The following CUX1 variants were observed in gnomAD, a reference collection of about 807,000 sequenced individuals.
The protein encoded by CUX1 is cut like homeobox 1, also known as protein CASP.
A neutral mutation model predicts 158.8 loss-of-function variants in CUX1; 31 were observed. The observed-to-expected ratio is 0.20, with a 90% CI of 0.15 to 0.26. The LOEUF (loss-of-function observed/expected upper bound fraction) is 0.26, where lower values mean the gene tolerates loss of function less well. Among genes scored for constraint, CUX1 ranks in the 10% least tolerant of loss-of-function variants. The pLI, the probability that CUX1 is intolerant of heterozygous loss-of-function variation, is 1.00. For missense variants in CUX1, 1,589 were observed against 2,014.6 expected (o/e 0.79, Z 4.04); for synonymous variants, 879 against 862.1 (o/e 1.02, Z -0.34).
intron 4 of CUX1, among the ~76,000 whole-genome samples, chr7:102,094,317 C>T (rs1032244918): frequency 6.6e-6 from 1 of 152,204 alleles, no homozygotes. Context: ...ACATTTAGCT[C>T]ATCCTTTAGT....
intron 2 of CUX1, among the ~76,000 whole-genome samples, chr7:101,973,415 C>T (rs1369214177): frequency 6.6e-6 from 1 of 152,216 alleles, no homozygotes; most frequent in Non-Finnish European, 1.5e-5. Context: ...CAAGCCAGTG[C>T]AACGCCAGGA....
At chr7:101,974,170 A>G (rs988047606) in intron 2 of CUX1, among the ~76,000 whole-genome samples, 2 of 151,058 alleles carry the variant, frequency 1.3e-5, no homozygotes, top group African/African-American at 4.9e-5. Flanking sequence ...GGGCTCAAGT[A>G]ATGCTCTCAC....
chr7:102,184,117 C>T (rs1356483926), intron 11 of CUX1, among the ~76,000 whole-genome samples: 2 of 152,164 alleles, frequency 1.3e-5, no homozygotes, highest in Non-Finnish European at 2.9e-5. Context: ...AGGCTGGTGT[C>T]GAACTCCTGG....
At chr7:102,205,350 G>A (rs898273155) in intron 20 of CUX1, among the ~76,000 whole-genome samples, 180 bp downstream of exon 20, 3 of 152,196 alleles carry the variant, frequency 2.0e-5, no homozygotes, top group South Asian at 4.1e-4. Context: ...AATGGAGAGC[G>A]AGCTGACAGT....
intron 20 of CUX1, among the ~76,000 whole-genome samples, chr7:102,216,602 A>T (rs1472500310): frequency 6.8e-5 from 2 of 29,414 alleles, no homozygotes; most frequent in African/African-American, 1.7e-4. Context: ...ACACTCCCAC[A>T]CACACACACA....
intron 8 of CUX1, among the ~76,000 whole-genome samples, chr7:102,154,213 G>C (rs371593816): frequency 6.6e-6 from 1 of 152,124 alleles, no homozygotes; most frequent in East Asian, 1.9e-4. Context: ...ATATTTCCCA[G>C]AAAGTAACTA....
Position 101,860,893 on chromosome 7 carries a change from A to G in CUX1, c.30+43224A>G, listed in dbSNP as rs143693951. ...GCAGCCATAGCTCACTGCAGCCTTG[A>G]CCTGGTAGTCTCAAGTGATCCTCCC... On this transcript the variant is annotated intron_variant, in intron 1 of 23. Coordinates refer to ENST00000292535, the MANE Select transcript of CUX1 (RefSeq NM_181552.4). Among the ~76,000 whole-genome samples the G allele has an allele frequency of 7.3e-3, 1,111 of 151,864 alleles. 11 individuals carry two copies. The highest frequency in any genetic ancestry group is 0.026 in the African/African-American group (1,057 of 41,396).
At chr7:102,282,019 T>A in intron 21 of CUX1, 1 of 826,630 alleles carries the variant, frequency 1.2e-6, no homozygotes, top group South Asian at 1.4e-5. Flanking sequence ...CCCCTGGGCC[T>A]ACCCCAAGCT....
At position 102,254,367 on chromosome 7, in the gene CUX1, G is replaced by A. The variant is rs536389580; in HGVS notation, c.*5325G>A. On this transcript the variant is annotated 3_prime_UTR_variant, in exon 24 of 24. Coordinates refer to ENST00000292535, the MANE Select transcript of CUX1 (RefSeq NM_181552.4). ...CTCTTGTCTCTGGCATGGTTTTAGC[G>A]TCACTGCGAACACTCCTTTGCAAAC... The A allele has an allele frequency of 6.2e-5, 61 of 985,394 alleles. No homozygotes were observed. In the South Asian group the frequency reaches 1.8e-3, roughly 29 times the overall value. 61.0% of individuals were successfully genotyped at this position (985,394 alleles called of 1,614,324 possible).
chr7:102,276,906 A>G (rs1554547861), intron 17 of CUX1, among the ~76,000 whole-genome samples: 1 of 152,180 alleles, frequency 6.6e-6, no homozygotes, highest in Non-Finnish European at 1.5e-5. Flanking sequence ...TGTGAATACA[A>G]ATGACCGAAC....
intron 3 of CUX1, among the ~76,000 whole-genome samples, chr7:102,043,228 G>A (rs111400540): frequency 0.042 from 6,449 of 152,108 alleles, 447 homozygotes; most frequent in African/African-American, 0.15. Context: ...TGGGATTACA[G>A]GCGTGATCCA....
intron 3 of CUX1, among the ~76,000 whole-genome samples, chr7:102,049,976 G>A (rs1823278921): frequency 6.6e-6 from 1 of 152,188 alleles, no homozygotes; most frequent in Non-Finnish European, 1.5e-5. Context: ...CTGGCTGGGA[G>A]CATTCCTGCC....
rs199857640 is a variant in CUX1 at position 102,250,974 on chromosome 7, A to ATT, written c.*1940_*1941dup. ...ATAGATGATTTCGGTATATATATAT[A>ATT]TTTTTTTTTGCTTATTTATAGGTGC... On this transcript the variant is annotated 3_prime_UTR_variant, in exon 24 of 24. Coordinates refer to ENST00000292535, the MANE Select transcript of CUX1 (RefSeq NM_181552.4). The ATT allele has an allele frequency of 1.1e-6, 1 of 937,562 alleles. No homozygotes were observed. The highest frequency in any genetic ancestry group is 1.3e-6 in the Non-Finnish European group (1 of 787,634). The allele number at this position is 937,562 out of a possible 1,614,324, so 58.1% of individuals were successfully genotyped here.
chr7:101,923,111 G>A (rs1050344730), intron 2 of CUX1, among the ~76,000 whole-genome samples: 8 of 152,212 alleles, frequency 5.3e-5, no homozygotes, highest in South Asian at 2.1e-4. Flanking sequence ...CTGCAGCCCC[G>A]GCTCACTGGC....
chr7:102,227,919 G>A (rs1395805866), intron 21 of CUX1, among the ~76,000 whole-genome samples: 7 of 151,188 alleles, frequency 4.6e-5, no homozygotes, highest in African/African-American at 7.3e-5. Flanking sequence ...GAGTGGACTC[G>A]GGAGGATCCA....
intron 12 of CUX1, among the ~76,000 whole-genome samples, chr7:102,192,471 G>C (rs1242067336): frequency 6.6e-6 from 1 of 152,176 alleles, no homozygotes; most frequent in African/African-American, 2.4e-5. Context: ...AAAGAGCCAC[G>C]TGGTCTTTTA....
intron 11 of CUX1, among the ~76,000 whole-genome samples, chr7:102,181,611 T>A (rs1554514012): frequency 6.6e-6 from 1 of 152,224 alleles, no homozygotes; most frequent in Non-Finnish European, 1.5e-5. Context: ...AATGAAACAA[T>A]TCAGCGATAC....
At chr7:102,009,791 A>G (rs35969927) in intron 2 of CUX1, among the ~76,000 whole-genome samples, 4,289 of 152,326 alleles carry the variant, frequency 0.028, 89 homozygotes, top group Non-Finnish European at 0.034. Context: ...GTTCCTGTAA[A>G]TTTAAACCTC....
At position 102,253,458 on chromosome 7, in the gene CUX1, C is replaced by T. The variant is rs1411897333; in HGVS notation, c.*4416C>T. 12 of 985,364 alleles carry T rather than the reference C, an allele frequency of 1.2e-5. 1 individual carries two copies. The highest frequency in any genetic ancestry group is 9.4e-5 in the South Asian group (2 of 21,298). 61.0% of individuals were successfully genotyped at this position (985,364 alleles called of 1,614,324 possible). ...GCTCTCTGACGGGCAGGTGCCTTCC[C>T]GACTAAGGTTGGACTGGATGACTTT... is the stretch of plus-strand genomic sequence containing the variant. On this transcript the variant is annotated 3_prime_UTR_variant, in exon 24 of 24. Transcript: ENST00000292535.
Sources: gnomAD v4.1 joint callset for allele counts (sites outside exome capture counted in the v4.1 genomes callset) on GRCh38, gnomAD v4.1.1 for gene constraint, MANE v1.5 for transcripts, NCBI Gene and HGNC (gene_info 2026-07-23, HGNC 2026-07-21) for gene names.